Variants in MEIS2 observed in about 807,000 individuals in gnomAD.
MEIS2 encodes the protein Meis homeobox 2.
A neutral mutation model predicts 58.6 loss-of-function variants in MEIS2; 9 were observed. That is an observed-to-expected ratio of 0.15 (90% CI 0.09 to 0.27). The LOEUF is 0.27. MEIS2 is among the 10% of genes least tolerant of loss of function. The pLI is 1.00. For synonymous variants in MEIS2, 221 were observed against 228.4 expected (o/e 0.97, Z 0.29); for missense variants, 427 against 635.0 (o/e 0.67, Z 3.52).
intron 7 of MEIS2, among the ~76,000 whole-genome samples, chr15:37,042,906 C>A (rs1464186588): frequency 6.6e-6 from 1 of 152,186 alleles, no homozygotes; most frequent in Non-Finnish European, 1.5e-5. Context: ...AGCCTACTGT[C>A]CATGAAGTAG....
At chr15:37,091,859 C>T (rs2141945173) in intron 6 of MEIS2, among the ~76,000 whole-genome samples, 1 of 152,252 alleles carries the variant, frequency 6.6e-6, no homozygotes, top group South Asian at 2.1e-4. Context: ...GTGAACCTCT[C>T]ATTTTACAAA....
rs571669752 is a variant in MEIS2, at chr15:37,059,203, T to A, written c.755-22244A>T. Among the ~76,000 whole-genome samples, 3 of 152,312 alleles carry A rather than the reference T, an allele frequency of 2.0e-5. No individual in the cohort carries two copies. The South Asian group carries it at 6.2e-4, about 32-fold the overall frequency. ...AGACTGCTTTTTTATTTTTTTAATT[T>A]CCTGCTGCCCAGATGAATAATATAA... is the stretch of plus-strand genomic sequence containing the variant. On this transcript the variant is annotated intron_variant, in intron 7 of 11. Coordinates refer to ENST00000561208, the MANE Select transcript of MEIS2 (RefSeq NM_170675.5).
chr15:36,922,999 A>G (rs1384286071), intron 9 of MEIS2, among the ~76,000 whole-genome samples: 1 of 152,150 alleles, frequency 6.6e-6, no homozygotes, highest in Non-Finnish European at 1.5e-5. Context: ...ATAATCTGAA[A>G]TTAATAATGT....
intron 7 of MEIS2, among the ~76,000 whole-genome samples, chr15:37,055,505 G>T (rs553881970): frequency 6.6e-6 from 1 of 152,044 alleles, no homozygotes; most frequent in South Asian, 2.1e-4. Context: ...AACATTACTC[G>T]ACTTCGGAAA....
chr15:36,960,853 A>G (rs2059156041), intron 8 of MEIS2, among the ~76,000 whole-genome samples: 1 of 152,162 alleles, frequency 6.6e-6, no homozygotes, highest in African/African-American at 2.4e-5. Flanking sequence ...ACAAGATATC[A>G]CCCAAGTGTT....
intron 7 of MEIS2, among the ~76,000 whole-genome samples, chr15:37,069,047 A>T (rs1890333195): frequency 6.6e-6 from 1 of 152,228 alleles, no homozygotes; most frequent in South Asian, 2.1e-4. Context: ...ATTTTACGTT[A>T]GCCAGGGCCC....
At chr15:37,009,771 T>C (rs555208196) in intron 8 of MEIS2, among the ~76,000 whole-genome samples, 1 of 152,210 alleles carries the variant, frequency 6.6e-6, no homozygotes, top group Admixed American at 6.5e-5. Flanking sequence ...GATCTGGAGA[T>C]TGAAAAGGAG....
intron 9 of MEIS2, among the ~76,000 whole-genome samples, chr15:36,947,827 T>C (rs565620360): frequency 9.2e-5 from 14 of 152,110 alleles, no homozygotes; most frequent in African/African-American, 2.9e-4. Flanking sequence ...AGTGATTACT[T>C]TGTAGTTAAG....
chr15:36,931,309 C>T (rs1392135807), intron 9 of MEIS2, among the ~76,000 whole-genome samples: 1 of 152,092 alleles, frequency 6.6e-6, no homozygotes. Context: ...AATAGCACAA[C>T]CTTGATGGGT....
At chr15:37,072,505 T>TC (rs2141877978) in intron 7 of MEIS2, among the ~76,000 whole-genome samples, 1 of 152,272 alleles carries the variant, frequency 6.6e-6, no homozygotes, top group East Asian at 1.9e-4. Context: ...CTCTTTTTTT[T>TC]CACCATGCAT....
chr15:37,029,201 G>A (rs112646364), intron 8 of MEIS2, among the ~76,000 whole-genome samples: 1 of 152,236 alleles, frequency 6.6e-6, no homozygotes, highest in Non-Finnish European at 1.5e-5. Context: ...CATGTTTGTG[G>A]GAAGCTCTCT....
chr15:36,917,623 G>A (rs2057336055), intron 9 of MEIS2, among the ~76,000 whole-genome samples: 1 of 152,168 alleles, frequency 6.6e-6, no homozygotes, highest in African/African-American at 2.4e-5. Context: ...TTCTTGAATT[G>A]TCCTACAAAG....
At chr15:36,956,078 T>TC (rs1368062753) in intron 8 of MEIS2, among the ~76,000 whole-genome samples, 4 of 138,720 alleles carry the variant, frequency 2.9e-5, no homozygotes, top group Non-Finnish European at 4.6e-5. Flanking sequence ...GCGCCTGTAG[T>TC]CCAGCTACTC....
chr15:37,016,115 G>A (rs575773721), intron 8 of MEIS2, among the ~76,000 whole-genome samples: 2 of 152,082 alleles, frequency 1.3e-5, no homozygotes, highest in Admixed American at 1.3e-4. Flanking sequence ...ATGGGAGGGG[G>A]CAGAATCCAA....
At chr15:36,947,855 C>G (rs527814071) in intron 9 of MEIS2, among the ~76,000 whole-genome samples, 1 of 152,012 alleles carries the variant, frequency 6.6e-6, no homozygotes, top group East Asian at 1.9e-4. Context: ...ACTGTGAGGT[C>G]TTTTGAAAGT....
At chr15:36,987,689 AG>A (rs891809808) in intron 8 of MEIS2, among the ~76,000 whole-genome samples, 1 of 152,168 alleles carries the variant, frequency 6.6e-6, no homozygotes, top group Non-Finnish European at 1.5e-5. Flanking sequence ...GGCAAAGAAA[AG>A]GCATGTCAGC....
chr15:37,060,431 C>A (rs1889050985), intron 7 of MEIS2, among the ~76,000 whole-genome samples: 1 of 152,130 alleles, frequency 6.6e-6, no homozygotes, highest in African/African-American at 2.4e-5. Context: ...CAAACCGTAT[C>A]ATGGAGTGTT....
chr15:37,077,305 G>C (rs1227089428), intron 7 of MEIS2, among the ~76,000 whole-genome samples: 1 of 152,020 alleles, frequency 6.6e-6, no homozygotes, highest in Non-Finnish European at 1.5e-5. Flanking sequence ...CCTGATTATG[G>C]CGTTAAAACC....
rs1354598286 is a variant in MEIS2, at chr15:36,913,048, T to G, written c.978-16362A>C. On this transcript the variant is annotated intron_variant, in intron 9 of 11. Transcript: ENST00000561208. ...AACTCCTTGGCAGTTATACCATATATGGACATACAAAATAACACAAAGGGT... is the reference window on the plus strand; with the variant it reads ...AACTCCTTGGCAGTTATACCATATAGGGACATACAAAATAACACAAAGGGT... 2.0e-5 allele frequency among the ~76,000 whole-genome samples: 3 copies of G among 152,158 alleles called. No individual in the cohort carries two copies. The South Asian group carries it at 6.2e-4, about 31-fold the overall frequency.
Sources: gnomAD v4.1 joint callset for allele counts (sites outside exome capture counted in the v4.1 genomes callset) on GRCh38, gnomAD v4.1.1 for gene constraint, MANE v1.5 for transcripts, NCBI Gene and HGNC (gene_info 2026-07-23, HGNC 2026-07-21) for gene names.